The following SHTN1 variants were observed in gnomAD, a reference collection of about 807,000 sequenced individuals.
SHTN1 encodes the protein shootin-1.
Under a neutral mutation model 83.1 loss-of-function variants are expected in SHTN1, and 42 were observed. That is an observed-to-expected ratio of 0.51 (90% CI 0.39 to 0.65). The LOEUF (loss-of-function observed/expected upper bound fraction) is 0.65, where lower values mean the gene tolerates loss of function less well. SHTN1 is among the 30% of genes least tolerant of loss of function. The pLI is 0.00. For missense variants in SHTN1, 622 were observed against 737.8 expected (o/e 0.84, Z 1.82); for synonymous variants, 224 against 247.7 (o/e 0.90, Z 0.90).
chr10:116,935,100 T>C (rs1021082675), intron 9 of SHTN1, among the ~76,000 whole-genome samples: 2 of 152,224 alleles, frequency 1.3e-5, no homozygotes, highest in East Asian at 3.9e-4. Context: ...TACAATCATG[T>C]CATCTGCAAA....
intron 16 of SHTN1, among the ~76,000 whole-genome samples, chr10:116,890,131 C>T (rs922549733): frequency 1.3e-5 from 2 of 150,222 alleles, no homozygotes; most frequent in Admixed American, 1.3e-4. Flanking sequence ...TGCAACACTT[C>T]AATGGGAATT....
upstream of SHTN1, chr10:117,005,321 G>T: frequency 1.5e-6 from 2 of 1,343,692 alleles, no homozygotes; most frequent in African/African-American, 1.5e-5. Flanking sequence ...GTCCCGTTCA[G>T]GGGGTGGAGG....
chr10:116,918,729 C>T (rs1391534531), intron 12 of SHTN1, among the ~76,000 whole-genome samples: 1 of 152,144 alleles, frequency 6.6e-6, no homozygotes, highest in Non-Finnish European at 1.5e-5. Flanking sequence ...GTGAGACTCA[C>T]TAATTCTCAC....
intron 9 of SHTN1, 151 bp from the exon 10 acceptor site, chr10:116,930,153 C>T (rs1272620286): frequency 2.0e-6 from 1 of 503,566 alleles, no homozygotes; most frequent in Non-Finnish European, 3.4e-6. Context: ...ATGCTAGATA[C>T]AATTAACACA....
chr10:116,908,985 G>A (rs1281305614), intron 14 of SHTN1, among the ~76,000 whole-genome samples: 1 of 152,202 alleles, frequency 6.6e-6, no homozygotes, highest in African/African-American at 2.4e-5. Flanking sequence ...ACTCTCAACT[G>A]AAATGATGAA....
At chr10:116,899,546 TGA>T (rs59129110) in intron 16 of SHTN1, among the ~76,000 whole-genome samples, 9,067 of 123,768 alleles carry the variant, frequency 0.073, 346 homozygotes, top group African/African-American at 0.079. Flanking sequence ...TGTGTGTGTG[TGA>T]GAGAGTGCAT....
In SHTN1 at chr10:116,911,944, A is replaced by G. The variant is rs74159007; in HGVS notation, c.1306-101T>C. 0.017 allele frequency: 14,165 copies of G among 841,384 alleles called. 1,026 individuals carry two copies. The African/African-American group carries it at 0.18, about 11-fold the overall frequency. 52.1% of individuals were successfully genotyped at this position (841,384 alleles called of 1,614,324 possible). ...AACTATTAGTAGCCTTATATTGGTA[A>G]TATGTATGACTATATATATTTTTAA... On this transcript the variant is annotated intron_variant, in intron 13 of 16. Coordinates refer to ENST00000355371, the MANE Select transcript of SHTN1 (RefSeq NM_001127211.3).
chr10:117,059,800 T>C lies in SHTN1; in HGVS notation c.-188-11290A>G, dbSNP rs559815295. On this transcript the variant is annotated intron_variant, in intron 1 of 17. Transcript: ENST00000392901. Reference sequence around the variant, plus strand: ...GTCAATATCCTCGTTGATATTGTTCTACAGTTTTGGAAGATTGTACCATTG... The same window carrying C: ...GTCAATATCCTCGTTGATATTGTTCCACAGTTTTGGAAGATTGTACCATTG... Among the ~76,000 whole-genome samples the C allele has an allele frequency of 7.2e-4, 110 of 152,358 alleles. 2 individuals are homozygous for C. The South Asian group carries it at 0.022, about 30-fold the overall frequency.
chr10:117,063,437 G>A (rs1852930029), intron 1 of SHTN1, among the ~76,000 whole-genome samples: 1 of 152,208 alleles, frequency 6.6e-6, no homozygotes, highest in South Asian at 2.1e-4. Flanking sequence ...GTCCAATGGT[G>A]TGGAAAATGC....
intron 1 of SHTN1, among the ~76,000 whole-genome samples, chr10:116,989,394 A>C (rs1010359358): frequency 1.3e-5 from 2 of 152,208 alleles, no homozygotes; most frequent in African/African-American, 2.4e-5. Context: ...CAAAAACAAA[A>C]AAACAAACAA....
intron 1 of SHTN1, among the ~76,000 whole-genome samples, chr10:116,980,861 T>C (rs2064438060): frequency 6.6e-6 from 1 of 152,204 alleles, no homozygotes; most frequent in Non-Finnish European, 1.5e-5. Context: ...AATTGGCGAA[T>C]ATTTATGAGA....
intron 2 of SHTN1, among the ~76,000 whole-genome samples, chr10:117,019,838 AAAG>A (rs1475024983): frequency 6.6e-6 from 1 of 151,896 alleles, no homozygotes; most frequent in Non-Finnish European, 1.5e-5. Flanking sequence ...AAAAAAAAAA[AAAG>A]AGAAAAAGAA....
intron 1 of SHTN1, among the ~76,000 whole-genome samples, chr10:117,126,117 G>A (rs1303278845): frequency 6.6e-6 from 1 of 152,172 alleles, no homozygotes; most frequent in South Asian, 2.1e-4. Context: ...CCTTTCAGGG[G>A]GCGCTGCCGC....
At chr10:117,077,801 C>T (rs1348611253) in intron 1 of SHTN1, among the ~76,000 whole-genome samples, 2 of 152,138 alleles carry the variant, frequency 1.3e-5, no homozygotes, top group African/African-American at 4.8e-5. Flanking sequence ...CTACAAAGGA[C>T]ATGAACTCAT....
intron 1 of SHTN1, among the ~76,000 whole-genome samples, chr10:117,002,538 T>C (rs1186901780): frequency 1.3e-5 from 2 of 152,144 alleles, no homozygotes; most frequent in Admixed American, 1.3e-4. Context: ...GTAGTAAAAA[T>C]TACTATTTTC....
chr10:117,062,115 T>C (rs113271925), intron 1 of SHTN1, among the ~76,000 whole-genome samples: 1 of 152,178 alleles, frequency 6.6e-6, no homozygotes, highest in African/African-American at 2.4e-5. Flanking sequence ...ATCAAATTAT[T>C]TGCATAACAT....
chr10:116,983,298 C>T (rs1851095664), intron 1 of SHTN1, among the ~76,000 whole-genome samples: 1 of 152,064 alleles, frequency 6.6e-6, no homozygotes, highest in Admixed American at 6.6e-5. Context: ...CTGTTTAAAA[C>T]ATGTTAGCTA....
At chr10:117,073,392 T>C (rs978605140) in intron 1 of SHTN1, among the ~76,000 whole-genome samples, 2 of 152,226 alleles carry the variant, frequency 1.3e-5, no homozygotes, top group African/African-American at 2.4e-5. Flanking sequence ...AATAACTCTA[T>C]GAAGTACATA....
chr10:116,977,041 T>G (rs1564909630), intron 2 of SHTN1, among the ~76,000 whole-genome samples: 1 of 152,208 alleles, frequency 6.6e-6, no homozygotes, highest in Non-Finnish European at 1.5e-5. Flanking sequence ...AAATGCATTT[T>G]ACCTATAATT....
Sources: gnomAD v4.1 joint callset for allele counts (sites outside exome capture counted in the v4.1 genomes callset) on GRCh38, gnomAD v4.1.1 for gene constraint, MANE v1.5 for transcripts, NCBI Gene and HGNC (gene_info 2026-07-23, HGNC 2026-07-21) for gene names.